The following CDKL5 variants were observed in gnomAD, a reference collection of about 807,000 sequenced individuals.
CDKL5 encodes the protein cyclin dependent kinase like 5.
In CDKL5, 8 loss-of-function variants were observed where a neutral mutation model predicts 61.7. The observed-to-expected ratio is 0.13, with a 90% CI of 0.08 to 0.23. CDKL5 has a LOEUF of 0.23. CDKL5 is among the 10% of genes least tolerant of loss of function. The pLI, the probability that CDKL5 is intolerant of heterozygous loss-of-function variation, is 1.00. For synonymous variants in CDKL5, 275 were observed against 272.3 expected, an observed-to-expected ratio of 1.01 and a Z score of -0.10; for missense variants, 440 against 734.5, an observed-to-expected ratio of 0.60 and a Z score of 4.63.
At chrX:18,645,012 C>T (rs146253884), downstream of CDKL5, among the ~76,000 whole-genome samples, 986 of 111,989 alleles carry the variant, frequency 8.8e-3, 10 homozygotes, top group African/African-American at 0.03. Flanking sequence ...AACCTTTCTG[C>T]GCATTTCACT....
At chrX:18,591,104 G>A (rs1318298762) in intron 9 of CDKL5, among the ~76,000 whole-genome samples, 1 of 111,033 alleles carries the variant, frequency 9.0e-6, no homozygotes, top group African/African-American at 3.3e-5. Flanking sequence ...CTCAAAGAGT[G>A]CCTCTTTCTC....
At chrX:18,511,386 A>G (rs188810271) in intron 3 of CDKL5, among the ~76,000 whole-genome samples, 1 of 105,191 alleles carries the variant, frequency 9.5e-6, no homozygotes, top group African/African-American at 3.4e-5. Flanking sequence ...ATCACGTGCT[A>G]TTTTTTTTTT....
chrX:18,618,614 G>A (rs1315399226), intron 15 of CDKL5, among the ~76,000 whole-genome samples: 2 of 112,334 alleles, frequency 1.8e-5, no homozygotes, highest in Non-Finnish European at 3.8e-5. Context: ...AATTCCCAGG[G>A]CCTAGGCCCA....
At chrX:18,470,070 C>T (rs1921027917) in intron 1 of CDKL5, among the ~76,000 whole-genome samples, 1 of 111,571 alleles carries the variant, frequency 9.0e-6, no homozygotes, top group East Asian at 2.8e-4. Flanking sequence ...GGTGTGGTGG[C>T]TCACGCTTGT....
chrX:18,573,006 C>T (rs1472106121), intron 4 of CDKL5, among the ~76,000 whole-genome samples: 1 of 111,614 alleles, frequency 9.0e-6, no homozygotes, highest in Non-Finnish European at 1.9e-5. Context: ...GGGAAAGGCT[C>T]TAGAGGAGTG....
At chrX:18,502,850 CTT>C (rs976071459) in intron 1 of CDKL5, among the ~76,000 whole-genome samples, 5 of 111,900 alleles carry the variant, frequency 4.5e-5, no homozygotes, top group Non-Finnish European at 7.5e-5. Context: ...CTTTCTTACT[CTT>C]TTCTTTTTCT....
intron 9 of CDKL5, among the ~76,000 whole-genome samples, chrX:18,592,804 C>A (rs1349446719): frequency 4.5e-5 from 5 of 112,078 alleles, no homozygotes; most frequent in Non-Finnish European, 7.5e-5. Flanking sequence ...CATGGACTCA[C>A]CAGTAACCAG....
chrX:18,609,717 C>CAGGCCCTCCTGGCTTATGAA, intron 14 of CDKL5, 147 bp downstream of exon 14: 1 of 1,038,045 alleles, frequency 9.6e-7, no homozygotes, highest in Non-Finnish European at 1.3e-6. Flanking sequence ...CCTGCTAAGT[C>CAGGCCCTCCTGGCTTATGAA]AGGCCCTCCT....
At chrX:18,565,573 C>T (rs1278154342) in intron 4 of CDKL5, among the ~76,000 whole-genome samples, 2 of 112,073 alleles carry the variant, frequency 1.8e-5, no homozygotes, top group Admixed American at 1.9e-4. Flanking sequence ...TTCATCAGCA[C>T]ACATCCCCTA....
At chrX:18,452,819 GTTTTTTTTTTTTTT>G (rs757726659) in intron 1 of CDKL5, among the ~76,000 whole-genome samples, 3 of 57,682 alleles carry the variant, frequency 5.2e-5, no homozygotes, top group South Asian at 1.1e-3. Context: ...TAGTTCTCAA[GTTTTTTTTTTTTTT>G]TTTTTTTTTT....
At chrX:18,577,731 G>A (rs778852866) in intron 5 of CDKL5, among the ~76,000 whole-genome samples, 11 of 111,854 alleles carry the variant, frequency 9.8e-5, no homozygotes, top group Non-Finnish European at 1.7e-4. Flanking sequence ...GTGTTCCTGC[G>A]GAGTAAGGGA....
intron 3 of CDKL5, among the ~76,000 whole-genome samples, chrX:18,541,557 G>A (rs759924387): frequency 2.7e-5 from 3 of 111,434 alleles, no homozygotes; most frequent in Non-Finnish European, 5.7e-5. Flanking sequence ...TTGAGACAGG[G>A]TGTCACTCTA....
chrX:18,631,285 A>G lies in CDKL5; in HGVS notation c.*2528A>G. 1.3e-6 allele frequency: 1 copy of G among 754,293 alleles called. No individual in the cohort carries two copies. The highest frequency in any genetic ancestry group is 6.7e-5 in the South Asian group (1 of 14,871). The allele number at this position is 754,293 out of a possible 1,213,427, so 62.2% of individuals were successfully genotyped here. A position where few individuals can be genotyped will look rare whatever the true frequency, so the allele number is the denominator to read the frequency against. ...AGCCAGAAAATACCTACAGATATCT[A>G]CAAATGTTTTCAACCAGTGTTTTCG... On this transcript the variant is annotated 3_prime_UTR_variant, in exon 18 of 18. Transcript: ENST00000623535.
chrX:18,555,984 C>G (rs1231012626), intron 3 of CDKL5, among the ~76,000 whole-genome samples: 1 of 111,900 alleles, frequency 8.9e-6, no homozygotes, highest in African/African-American at 3.2e-5. Context: ...GTCAAGATCT[C>G]TAAGGAATTT....
chrX:18,454,830 T>C (rs1209299993), intron 1 of CDKL5, among the ~76,000 whole-genome samples: 2 of 110,114 alleles, frequency 1.8e-5, no homozygotes, highest in African/African-American at 6.6e-5. Flanking sequence ...GAAAATGATA[T>C]AATGTCATTG....
At chrX:18,454,866 A>AT (rs1385701842) in intron 1 of CDKL5, among the ~76,000 whole-genome samples, 1 of 106,914 alleles carries the variant, frequency 9.4e-6, no homozygotes, top group East Asian at 3.0e-4. Flanking sequence ...ATATCATTGC[A>AT]TCACTATAAT....
rs188879559 is a variant in CDKL5, at chrX:18,579,836, T to C, written c.283-12T>C. On this transcript the variant is annotated splice_polypyrimidine_tract_variant and intron_variant, in intron 5 of 17. Transcript: ENST00000623535. ...CCTAATTTGGGAAATAATGACTCTA[T>C]TTAATTTTTAGAATATGCTCGAATT... The C allele has an allele frequency of 2.0e-4, 239 of 1,203,089 alleles. No individual in the cohort carries two copies. In the African/African-American group the frequency reaches 3.6e-3, roughly 18 times the overall value.
At chrX:18,549,029 A>C (rs775617889) in intron 3 of CDKL5, among the ~76,000 whole-genome samples, 3 of 112,254 alleles carry the variant, frequency 2.7e-5, no homozygotes, top group African/African-American at 9.7e-5. Flanking sequence ...TGCACAATTC[A>C]TCAGTGTGTT....
chrX:18,626,710 CTCTCTCTCT>C (rs1927061537), intron 17 of CDKL5: 6 of 51,659 alleles, frequency 1.2e-4, no homozygotes, highest in African/African-American at 4.6e-4. Context: ...CTCTCTCTCT[CTCTCTCTCT>C]CTCTCCCCCC....
Sources: allele counts gnomAD v4.1 joint callset (sites outside exome capture counted in the v4.1 genomes callset), GRCh38; gene constraint gnomAD v4.1.1; transcripts MANE v1.5; gene names NCBI Gene and HGNC (gene_info 2026-07-23, HGNC 2026-07-21).